Variants in KCND2 observed in about 807,000 individuals in gnomAD.
KCND2 encodes A-type voltage-gated potassium channel KCND2.
In KCND2, 16 loss-of-function variants were observed where a neutral mutation model predicts 54.4. The observed-to-expected ratio is 0.29, with a 90% CI of 0.20 to 0.45. KCND2 has a LOEUF of 0.45. Ranked by LOEUF, KCND2 falls within the 20% of genes least tolerant of loss-of-function variation. The probability of loss-of-function intolerance (pLI) is 1.00; values close to 1 mark genes in which losing one functional copy is unlikely to be tolerated. For synonymous variants in KCND2, 317 were observed against 310.7 expected (o/e 1.02, Z -0.21); for missense variants, 486 against 824.2 (o/e 0.59, Z 5.02).
intron 1 of KCND2, among the ~76,000 whole-genome samples, chr7:120,320,391 T>C (rs1033358047): frequency 1.3e-5 from 2 of 152,112 alleles, no homozygotes; most frequent in Non-Finnish European, 2.9e-5. Flanking sequence ...CTAGCAGATG[T>C]GAAACCTGTA....
In KCND2 at chr7:120,273,313, G is replaced by A. The variant is rs910815838; in HGVS notation, c.-1320G>A. The stretch of plus-strand genomic sequence containing the variant: ...CGGGGAAGCAGCTAGCAGCCCTCCC[G>A]CGCCCCCGCGCTGCCGAGCGCCTTC... On this transcript the variant is annotated 5_prime_UTR_variant, in exon 1 of 6. Transcript: ENST00000331113. Among the ~76,000 whole-genome samples the A allele has an allele frequency of 2.0e-5, 3 of 150,686 alleles. No individual in the cohort carries two copies. Among genetic ancestry groups the A allele is most frequent in the African/African-American group, 7.3e-5 (3 of 41,298 alleles).
At chr7:120,467,324 T>C (rs573314363) in intron 1 of KCND2, among the ~76,000 whole-genome samples, 2 of 152,268 alleles carry the variant, frequency 1.3e-5, no homozygotes, top group South Asian at 4.1e-4. Flanking sequence ...TTTCCATCAG[T>C]TTCTTGATTC....
chr7:120,566,913 T>C (rs1480451412), intron 1 of KCND2, among the ~76,000 whole-genome samples: 1 of 152,152 alleles, frequency 6.6e-6, no homozygotes, highest in Non-Finnish European at 1.5e-5. Flanking sequence ...ACTCTCACAA[T>C]GGGCTAAGTT....
At chr7:120,723,769 T>C (rs1447626615) in intron 1 of KCND2, among the ~76,000 whole-genome samples, 1 of 152,130 alleles carries the variant, frequency 6.6e-6, no homozygotes, top group Non-Finnish European at 1.5e-5. Context: ...TCTGGCCAGA[T>C]TTATAGATTC....
Position 120,578,165 on chromosome 7 carries a change from G to A in KCND2, c.1116-154738G>A, listed in dbSNP as rs533801567. On this transcript the variant is annotated intron_variant, in intron 1 of 5. Coordinates refer to ENST00000331113, the MANE Select transcript of KCND2 (RefSeq NM_012281.3). ...TAGCCTGATGCAGTAGCATGTACCTGTAGTCACAGCTACTTAGGAGGCTAA... is the reference window on the plus strand; with the variant it reads ...TAGCCTGATGCAGTAGCATGTACCTATAGTCACAGCTACTTAGGAGGCTAA... Among the ~76,000 whole-genome samples, 5 of 152,252 alleles carry A rather than the reference G, an allele frequency of 3.3e-5. No individual in the cohort carries two copies. In the East Asian group the frequency reaches 9.7e-4, roughly 30 times the overall value.
intron 1 of KCND2, among the ~76,000 whole-genome samples, chr7:120,622,769 C>T (rs1256362425): frequency 1.3e-5 from 2 of 151,232 alleles, no homozygotes; most frequent in Non-Finnish European, 3.0e-5. Context: ...TTTATACCCC[C>T]TTCCTTTTCC....
At chr7:120,718,869 C>T (rs572089802) in intron 1 of KCND2, among the ~76,000 whole-genome samples, 370 of 152,140 alleles carry the variant, frequency 2.4e-3, no homozygotes, top group South Asian at 7.7e-3. Context: ...AAACAATAAC[C>T]TTGGTTGTCT....
At chr7:120,582,683 T>C (rs1321346667) in intron 1 of KCND2, among the ~76,000 whole-genome samples, 1 of 152,084 alleles carries the variant, frequency 6.6e-6, no homozygotes, top group Non-Finnish European at 1.5e-5. Context: ...TTTAAACAAT[T>C]ATAAAAAAAT....
intron 1 of KCND2, among the ~76,000 whole-genome samples, chr7:120,686,819 T>G (rs1466343279): frequency 6.6e-6 from 1 of 152,130 alleles, no homozygotes; most frequent in Non-Finnish European, 1.5e-5. Flanking sequence ...ACTCTGCCAT[T>G]TTGCCTCTTA....
intron 1 of KCND2, among the ~76,000 whole-genome samples, chr7:120,339,755 A>C (rs556772274): frequency 2.0e-5 from 3 of 152,306 alleles, no homozygotes; most frequent in Non-Finnish European, 4.4e-5. Flanking sequence ...TGTTGAAAAC[A>C]CAGAGCAGAG....
At chr7:120,340,831 A>C (rs1032882448) in intron 1 of KCND2, among the ~76,000 whole-genome samples, 6 of 152,212 alleles carry the variant, frequency 3.9e-5, no homozygotes, top group Non-Finnish European at 8.8e-5. Flanking sequence ...AAAAGGGAGA[A>C]GACAACTGGA....
At chr7:120,733,792 C>T (rs2116149734) in intron 2 of KCND2, among the ~76,000 whole-genome samples, 1 of 152,126 alleles carries the variant, frequency 6.6e-6, no homozygotes, top group East Asian at 1.9e-4. Context: ...TAAGAATAAG[C>T]ATAGCGTACA....
At chr7:120,520,555 G>T (rs1044789828) in intron 1 of KCND2, among the ~76,000 whole-genome samples, 1 of 151,986 alleles carries the variant, frequency 6.6e-6, no homozygotes, top group African/African-American at 2.4e-5. Flanking sequence ...GCAATGGAAA[G>T]AAATAAAAAG....
intron 1 of KCND2, among the ~76,000 whole-genome samples, chr7:120,678,534 A>G (rs778844404): frequency 2.7e-5 from 4 of 147,716 alleles, no homozygotes; most frequent in Non-Finnish European, 6.0e-5. Context: ...ACATAAATAT[A>G]CAAAATGTAA....
intron 1 of KCND2, among the ~76,000 whole-genome samples, chr7:120,467,220 A>G (rs1027845079): frequency 6.6e-6 from 1 of 152,188 alleles, no homozygotes; most frequent in Non-Finnish European, 1.5e-5. Flanking sequence ...GGTCAGAGAC[A>G]TAGGTTAGAG....
chr7:120,585,403 T>G (rs1382432918), intron 1 of KCND2, among the ~76,000 whole-genome samples: 1 of 152,146 alleles, frequency 6.6e-6, no homozygotes, highest in Non-Finnish European at 1.5e-5. Context: ...TTGAAATTCT[T>G]TAAGCAGATG....
At chr7:120,640,949 G>A (rs922640711) in intron 1 of KCND2, among the ~76,000 whole-genome samples, 2 of 152,108 alleles carry the variant, frequency 1.3e-5, no homozygotes, top group African/African-American at 4.8e-5. Flanking sequence ...TTGGCTTCTT[G>A]CTCTGTAAGA....
intron 1 of KCND2, among the ~76,000 whole-genome samples, chr7:120,406,175 A>G (rs1043534325): frequency 6.6e-6 from 1 of 152,026 alleles, no homozygotes; most frequent in Non-Finnish European, 1.5e-5. Flanking sequence ...GTTAAATAAA[A>G]TGGACACAAT....
At chr7:120,671,776 CT>C (rs1791996412) in intron 1 of KCND2, among the ~76,000 whole-genome samples, 3 of 152,224 alleles carry the variant, frequency 2.0e-5, no homozygotes, top group Admixed American at 2.0e-4. Flanking sequence ...TTTTCTGCCC[CT>C]TGATCTATTT....
Sources: gnomAD v4.1 joint callset for allele counts (sites outside exome capture counted in the v4.1 genomes callset) on GRCh38, gnomAD v4.1.1 for gene constraint, MANE v1.5 for transcripts, NCBI Gene and HGNC (gene_info 2026-07-23, HGNC 2026-07-21) for gene names.